The following CTPS2 variants were observed in gnomAD, a reference collection of about 807,000 sequenced individuals.
The protein encoded by CTPS2 is CTP synthase 2, also known as CTP synthase II.
A neutral mutation model predicts 46.8 loss-of-function variants in CTPS2; 19 were observed. That is an observed-to-expected ratio of 0.41 (90% CI 0.28 to 0.60). The LOEUF (loss-of-function observed/expected upper bound fraction) is 0.60, where lower values mean the gene tolerates loss of function less well. Ranked by LOEUF, CTPS2 falls within the 20% of genes least tolerant of loss-of-function variation. CTPS2 has a pLI of 0.35. For synonymous variants in CTPS2, 151 were observed against 165.2 expected, an observed-to-expected ratio of 0.91 and a Z score of 0.66; for missense variants, 286 against 447.6, an observed-to-expected ratio of 0.64 and a Z score of 3.26.
chrX:16,685,569 A>T (rs1923109925), intron 8 of CTPS2, among the ~76,000 whole-genome samples: 1 of 109,582 alleles, frequency 9.1e-6, no homozygotes, highest in Non-Finnish European at 1.9e-5. Flanking sequence ...CTCAAGAGAG[A>T]TGAAGAGGGC....
intron 10 of CTPS2, among the ~76,000 whole-genome samples, chrX:16,674,160 T>C (rs1468121935): frequency 9.0e-6 from 1 of 110,794 alleles, no homozygotes; most frequent in Non-Finnish European, 1.9e-5. Flanking sequence ...GGATTGTTTT[T>C]TGCTGTTTTG....
intron 17 of CTPS2, among the ~76,000 whole-genome samples, chrX:16,607,048 C>T (rs1322589602): frequency 1.8e-5 from 2 of 112,917 alleles, no homozygotes; most frequent in Admixed American, 9.3e-5. Context: ...CACCACACCC[C>T]GCTGGAAGCT....
intron 4 of CTPS2, among the ~76,000 whole-genome samples, chrX:16,696,512 A>G (rs1267705666): frequency 8.9e-6 from 1 of 111,740 alleles, no homozygotes; most frequent in Non-Finnish European, 1.9e-5. Flanking sequence ...AATCATTGTG[A>G]AGACAAGTCA....
intron 8 of CTPS2, among the ~76,000 whole-genome samples, chrX:16,687,475 A>G (rs1170598645): frequency 2.6e-5 from 1 of 39,152 alleles, no homozygotes; most frequent in Non-Finnish European, 4.7e-5. Flanking sequence ...ACCCTGTGTC[A>G]AAAAAAAAAA....
chrX:16,637,501 C>T (rs1406814345), intron 14 of CTPS2, among the ~76,000 whole-genome samples: 1 of 112,577 alleles, frequency 8.9e-6, no homozygotes, highest in Non-Finnish European at 1.9e-5. Context: ...TGAGCCAGTG[C>T]GACTGGCCAA....
intron 16 of CTPS2, among the ~76,000 whole-genome samples, chrX:16,610,829 G>A (rs1273884982): frequency 8.9e-6 from 1 of 112,418 alleles, no homozygotes; most frequent in East Asian, 2.8e-4. Flanking sequence ...AGAAAATGTG[G>A]CACATATATA....
intron 10 of CTPS2, among the ~76,000 whole-genome samples, chrX:16,676,748 T>A (rs1009929014): frequency 3.6e-5 from 4 of 111,612 alleles, no homozygotes; most frequent in Non-Finnish European, 7.5e-5. Flanking sequence ...ATCAGTGATC[T>A]GTGACTGCAG....
At chrX:16,665,485 A>T (rs1391333668) in intron 13 of CTPS2, among the ~76,000 whole-genome samples, 1 of 112,672 alleles carries the variant, frequency 8.9e-6, no homozygotes. Context: ...ACAGACTTTG[A>T]AAACATTATC....
rs746634342 is a variant in CTPS2, at chrX:16,647,255, C to CTTTTTTTTTTTTTTTT, written c.1297-8028_1297-8013dup. 1.5e-4 allele frequency among the ~76,000 whole-genome samples: 6 copies of CTTTTTTTTTTTTTTTT among 39,757 alleles called. 1 individual carries two copies. The highest frequency in any genetic ancestry group is 6.1e-4 in the African/African-American group (6 of 9,885). The allele number at this position is 39,757 out of a possible 115,157, so 34.5% of individuals were successfully genotyped here. ...GACAATAGGCAGCATTGGGCCCATT[C>CTTTTTTTTTTTTTTTT]TTTTTTTTTTTTTTTTTTTTTTTTT... On this transcript the variant is annotated intron_variant, in intron 13 of 18. Transcript: ENST00000359276.
intron 17 of CTPS2, among the ~76,000 whole-genome samples, chrX:16,600,316 C>T (rs1929582628): frequency 9.0e-6 from 1 of 111,716 alleles, no homozygotes; most frequent in Non-Finnish European, 1.9e-5. Flanking sequence ...GTTAGGATTC[C>T]CAGCATGCAT....
chrX:16,618,880 T>G (rs894620123), intron 15 of CTPS2, among the ~76,000 whole-genome samples: 1 of 112,207 alleles, frequency 8.9e-6, no homozygotes, highest in Non-Finnish European at 1.9e-5. Flanking sequence ...ATCTTATTTT[T>G]TGTCCTCTCC....
chrX:16,615,133 G>A (rs930715552), intron 16 of CTPS2, among the ~76,000 whole-genome samples: 1 of 110,206 alleles, frequency 9.1e-6, no homozygotes, highest in Non-Finnish European at 1.9e-5. Context: ...CCAAGATCGC[G>A]CCACTGCACT....
chrX:16,643,374 T>C (rs1051171119), intron 13 of CTPS2, among the ~76,000 whole-genome samples: 1 of 111,586 alleles, frequency 9.0e-6, no homozygotes, highest in African/African-American at 3.3e-5. Context: ...TCTAGCATTT[T>C]TTTTTTCCAC....
intron 16 of CTPS2, among the ~76,000 whole-genome samples, chrX:16,614,931 C>G (rs1481604654): frequency 1.8e-5 from 2 of 112,473 alleles, no homozygotes; most frequent in Admixed American, 9.4e-5. Context: ...AATCCCAGCA[C>G]TTTGGGAGGC....
At chrX:16,657,976 C>T (rs764631896) in intron 13 of CTPS2, among the ~76,000 whole-genome samples, 30 of 111,756 alleles carry the variant, frequency 2.7e-4, no homozygotes, top group African/African-American at 9.8e-4. Flanking sequence ...GAGGCTGAGG[C>T]AGGTGGATCG....
chrX:16,597,367 G>C (rs1479839520), intron 17 of CTPS2, among the ~76,000 whole-genome samples: 1 of 111,696 alleles, frequency 9.0e-6, no homozygotes, highest in East Asian at 2.8e-4. Flanking sequence ...AATTGATTTT[G>C]GTATAAGGTG....
At chrX:16,597,157 A>G (rs1369130414) in intron 17 of CTPS2, among the ~76,000 whole-genome samples, 20 of 111,131 alleles carry the variant, frequency 1.8e-4, no homozygotes, top group African/African-American at 6.2e-4. Context: ...TGTTCACTCT[A>G]ATGGTAGTTT....
intron 14 of CTPS2, among the ~76,000 whole-genome samples, chrX:16,630,578 G>A (rs1308584328): frequency 9.1e-6 from 1 of 110,010 alleles, no homozygotes; most frequent in East Asian, 2.9e-4. Context: ...ATTCTTAACC[G>A]GACCAGATAC....
chrX:16,620,180 C>T (rs1250489930), intron 15 of CTPS2, 97 bp downstream of exon 15: 10 of 725,422 alleles, frequency 1.4e-5, no homozygotes, highest in Non-Finnish European at 1.9e-5. Context: ...GTGAATACCA[C>T]CAGGCTAGAC....
Sources: gnomAD v4.1 joint callset for allele counts (sites outside exome capture counted in the v4.1 genomes callset) on GRCh38, gnomAD v4.1.1 for gene constraint, MANE v1.5 for transcripts, NCBI Gene and HGNC (gene_info 2026-07-23, HGNC 2026-07-21) for gene names.